Variants in KIAA0408 observed in about 807,000 individuals in gnomAD.
The protein encoded by KIAA0408 is KIAA0408, also known as uncharacterized protein KIAA0408.
KIAA0408 carries 51 observed loss-of-function variants against 60.9 expected under a neutral mutation model. The observed-to-expected ratio is 0.84, with a 90% CI of 0.67 to 1.06. The LOEUF (loss-of-function observed/expected upper bound fraction) is 1.06, where lower values mean the gene tolerates loss of function less well. Ranked by LOEUF, KIAA0408 falls within the 50% of genes least tolerant of loss-of-function variation. The pLI is 0.00. For missense variants in KIAA0408, 787 were observed against 833.9 expected (o/e 0.94, Z 0.69); for synonymous variants, 304 against 282.4 (o/e 1.08, Z -0.77).
intron 1 of KIAA0408, among the ~76,000 whole-genome samples, chr6:127,457,302 A>C (rs2114808627): frequency 6.6e-6 from 1 of 152,314 alleles, no homozygotes; most frequent in South Asian, 2.1e-4. Flanking sequence ...AAAGTGGTTC[A>C]GCAGATTCAA....
chr6:127,452,825 A>G (rs1773324179), intron 2 of KIAA0408, among the ~76,000 whole-genome samples: 1 of 151,958 alleles, frequency 6.6e-6, no homozygotes. Flanking sequence ...AGCAGGACAC[A>G]TTTTCTAAAC....
rs1773114717 is a variant in KIAA0408 at position 127,441,977 on chromosome 6, A to G, written c.*2132T>C. ...TGAAGTCTGAAAGTATAGCCATTCT[A>G]ATTTACAGATAACAAAGGCAAGTCC... On this transcript the variant is annotated 3_prime_UTR_variant, in exon 6 of 6. Transcript: ENST00000483725. 6.6e-6 allele frequency: 1 copy of G among 152,206 alleles called. No individual in the cohort carries two copies. Among genetic ancestry groups the G allele is most frequent in the Admixed American group, 6.5e-5 (1 of 15,282 alleles). The allele number at this position is 152,206 out of a possible 1,614,324, so 9.4% of individuals were successfully genotyped here.
At chr6:127,448,167 G>T (rs1773237533) in intron 4 of KIAA0408, among the ~76,000 whole-genome samples, 1 of 152,042 alleles carries the variant, frequency 6.6e-6, no homozygotes, top group Non-Finnish European at 1.5e-5. Flanking sequence ...CCTTGAATTT[G>T]AAATAACATT....
At chr6:127,444,954 A>C (rs1236335935) in intron 5 of KIAA0408, among the ~76,000 whole-genome samples, 1 of 152,004 alleles carries the variant, frequency 6.6e-6, no homozygotes, top group Admixed American at 6.6e-5. Flanking sequence ...TTAATGGAAA[A>C]AAAGCATTCC....
At position 127,447,013 on chromosome 6, in the gene KIAA0408, C is replaced by T. The variant is rs757302813; in HGVS notation, c.1306G>A (p.Glu436Lys). 6.2e-7 allele frequency: 1 copy of T among 1,613,534 alleles called. No homozygotes were observed. The highest frequency in any genetic ancestry group is 1.3e-5 in the African/African-American group (1 of 74,906). The part of the protein sequence containing the change: ...SCGFERTTRN[E>K]KLAAKTDEFN... Reference sequence around the variant, plus strand: ...TCATCAGTCTTTGCTGCCAGCTTCTCATTCCTTGTAGTCCTTTCAAAGCCA... The same window carrying T: ...TCATCAGTCTTTGCTGCCAGCTTCTTATTCCTTGTAGTCCTTTCAAAGCCA... Residue 436 changes from glutamate to lysine, a missense_variant, in exon 5 of 6, where the codon GAG becomes AAG. Transcript: ENST00000483725.
At position 127,446,763 on chromosome 6, in the gene KIAA0408, C is replaced by A. The variant is rs146403375; in HGVS notation, c.1556G>T (p.Gly519Val). 1 of 1,613,874 alleles carries A rather than the reference C, an allele frequency of 6.2e-7. No individual in the cohort carries two copies. Among genetic ancestry groups the A allele is most frequent in the Non-Finnish European group, 8.5e-7 (1 of 1,179,960 alleles). The change falls in exon 5 of 6, where the codon GGC (glycine) becomes GTC (valine). Residue 519 changes from glycine (G) to valine (V), a missense_variant. Gly to Val is a moderately radical substitution (Grantham distance 109). Around this residue, in one of 3 missense-constraint regions of KIAA0408, gnomAD observed 640 missense variants for 681.3 expected, o/e 0.94. Coordinates refer to ENST00000483725, the MANE Select transcript of KIAA0408 (RefSeq NM_014702.5). ...GTGTCCCTGCATTTGTCTTACTAGGCCTGTTGTGGATTTCTTGGTGGGATT... is the reference window on the plus strand; with the variant it reads ...GTGTCCCTGCATTTGTCTTACTAGGACTGTTGTGGATTTCTTGGTGGGATT... ...PDNPTKKSTT[G>V]LVRQMQGHLS...
rs776213295 is a variant in KIAA0408, at chr6:127,449,969, GGCC to G, written c.498+18_498+20del. 3.7e-6 allele frequency: 6 copies of G among 1,613,592 alleles called. No individual in the cohort carries two copies. In the African/African-American group the frequency reaches 6.7e-5, roughly 18 times the overall value. On this transcript the variant is annotated intron_variant, in intron 3 of 5. Coordinates refer to ENST00000483725, the MANE Select transcript of KIAA0408 (RefSeq NM_014702.5). ...AAATATTTCTTTAGAAACAGTTCTAGGCCAATCACATCTTACTTACTGTACTGA... is the reference window on the plus strand; with the variant it reads ...AAATATTTCTTTAGAAACAGTTCTAGAATCACATCTTACTTACTGTACTGA...
In KIAA0408 at chr6:127,448,686, T is replaced by C. The variant is rs540923037; in HGVS notation, c.579-946A>G. Among the ~76,000 whole-genome samples the C allele has an allele frequency of 6.6e-5, 10 of 152,286 alleles. No individual in the cohort carries two copies. In the East Asian group the frequency reaches 1.9e-3, roughly 29 times the overall value. On this transcript the variant is annotated intron_variant, in intron 4 of 5. Transcript: ENST00000483725. ...ACAATAAAATGTGGATAAATACCTA[T>C]TAACAGAGAATAGAAAAGCTAAATA...
rs1773111615 is a variant in KIAA0408 at position 127,441,810 on chromosome 6, T to C, written c.*2299A>G. 1 of 152,206 alleles carries C rather than the reference T, an allele frequency of 6.6e-6. No individual in the cohort carries two copies. The highest frequency in any genetic ancestry group is 2.4e-5 in the African/African-American group (1 of 41,444). The allele number at this position is 152,206 out of a possible 1,614,324, so 9.4% of individuals were successfully genotyped here. A position where few individuals can be genotyped will look rare whatever the true frequency, so the allele number is the denominator to read the frequency against. On this transcript the variant is annotated 3_prime_UTR_variant, in exon 6 of 6. Transcript: ENST00000483725. ...AGAACATTCAAATAACCTTAGTTTTTCAGTTTTACAATCAAGGAGTTGGAC... is the reference window on the plus strand; with the variant it reads ...AGAACATTCAAATAACCTTAGTTTTCCAGTTTTACAATCAAGGAGTTGGAC...
At position 127,446,738 on chromosome 6, in the gene KIAA0408, G is replaced by A; in HGVS notation, c.1581C>T (p.His527=). 1.2e-6 allele frequency: 2 copies of A among 1,613,920 alleles called. No homozygotes were observed. The highest frequency in any genetic ancestry group is 1.1e-5 in the South Asian group (1 of 91,064). The change falls in exon 5 of 6, where the codon CAC becomes CAT. Residue 527 remains histidine, a synonymous_variant. Transcript: ENST00000483725. ...TATTTCGATAACTGCGAGGACTTAG[G>A]TGTCCCTGCATTTGTCTTACTAGGC... is the stretch of plus-strand genomic sequence containing the variant. ...TTGLVRQMQG[H]LSPRSYRNML...
chr6:127,449,923 C>A (rs1440779366), intron 3 of KIAA0408, 22 bp from the exon 4 acceptor site: 2 of 1,613,918 alleles, frequency 1.2e-6, no homozygotes, highest in South Asian at 2.2e-5. Context: ...TAAGCAACAG[C>A]CCGTTAGCAC....
At chr6:127,445,093 C>T (rs1053486530) in intron 5 of KIAA0408, among the ~76,000 whole-genome samples, 3 of 152,170 alleles carry the variant, frequency 2.0e-5, no homozygotes, top group African/African-American at 7.2e-5. Context: ...TGAGGATGGC[C>T]TCCTATTTCT....
chr6:127,452,644 G>A (rs977786864), intron 2 of KIAA0408, among the ~76,000 whole-genome samples: 17 of 152,064 alleles, frequency 1.1e-4, no homozygotes, highest in African/African-American at 3.9e-4. Context: ...ATTTTGCTTG[G>A]ATGCTAGAAT....
intron 2 of KIAA0408, chr6:127,451,271 T>G (rs756563840): frequency 2.2e-6 from 1 of 455,710 alleles, no homozygotes; most frequent in Non-Finnish European, 4.4e-6. Flanking sequence ...TTATTGCTGC[T>G]TAATACATAC....
intron 4 of KIAA0408, among the ~76,000 whole-genome samples, chr6:127,448,804 A>G (rs544231319): frequency 6.6e-6 from 1 of 152,316 alleles, no homozygotes; most frequent in East Asian, 1.9e-4. Flanking sequence ...CTTCCTAACA[A>G]CTAATGAAAA....
At chr6:127,454,982 A>T (rs1773366656) in intron 1 of KIAA0408, among the ~76,000 whole-genome samples, 1 of 152,080 alleles carries the variant, frequency 6.6e-6, no homozygotes, top group African/African-American at 2.4e-5. Context: ...AATTTCTGGG[A>T]TTTAGTTTTT....
chr6:127,450,058 A>G lies in KIAA0408; in HGVS notation c.430T>C (p.Cys144Arg). 6.2e-7 allele frequency: 1 copy of G among 1,614,100 alleles called. No individual in the cohort carries two copies. Among genetic ancestry groups the G allele is most frequent in the Non-Finnish European group, 8.5e-7 (1 of 1,179,978 alleles). The change falls in exon 3 of 6, where the codon TGT becomes CGT. Residue 144 changes from cysteine to arginine, a missense_variant. Cys to Arg is a radical substitution (Grantham distance 180). Coordinates refer to ENST00000483725, the MANE Select transcript of KIAA0408 (RefSeq NM_014702.5). ...GTCCTCAGGTCAGGCCAGGCCTCAC[A>G]TTCCTTTTGGTTGTCTGTAGCCAAA... ...DPLATDNQKE[C>R]EAWPDLRTSE... is the part of the protein sequence containing the mutation.
chr6:127,439,775 T>C lies in KIAA0408; in HGVS notation c.*4334A>G, dbSNP rs2114780277. On this transcript the variant is annotated 3_prime_UTR_variant, in exon 6 of 6. Transcript: ENST00000483725. The stretch of plus-strand genomic sequence containing the variant: ...TTTCCTTCTTACTTAGAAATCACAA[T>C]GCCTGCCTTGTAGTTTGTTGTAAGA... The C allele has an allele frequency of 6.6e-6, 1 of 152,344 alleles. No individual in the cohort carries two copies. The highest frequency in any genetic ancestry group is 3.4e-3 in the Middle Eastern group (1 of 294). 9.4% of individuals were successfully genotyped at this position (152,344 alleles called of 1,614,324 possible).
intron 1 of KIAA0408, among the ~76,000 whole-genome samples, chr6:127,456,270 A>G (rs1475113988): frequency 1.3e-5 from 2 of 152,344 alleles, no homozygotes; most frequent in South Asian, 2.1e-4. Context: ...GTCTTTAAAC[A>G]TTGGAAATGT....
Sources: allele counts gnomAD v4.1 joint callset (sites outside exome capture counted in the v4.1 genomes callset), GRCh38; gene constraint gnomAD v4.1.1; regional missense constraint gnomAD v4.1.1; transcripts MANE v1.5; gene names NCBI Gene and HGNC (gene_info 2026-07-23, HGNC 2026-07-21).